ADAMTS18: variants seen among roughly 807,000 people sequenced by gnomAD.
ADAMTS18 encodes A disintegrin and metalloproteinase with thrombospondin motifs 18.
A neutral mutation model predicts 165.9 loss-of-function variants in ADAMTS18; 157 were observed. The ratio of observed to expected loss-of-function variants is 0.95; its 90% confidence interval spans 0.83 to 1.08. The LOEUF (loss-of-function observed/expected upper bound fraction) is 1.08, where lower values mean the gene tolerates loss of function less well. Among genes scored for constraint, ADAMTS18 ranks in the 50% least tolerant of loss-of-function variants. The pLI is 0.00. For missense variants in ADAMTS18, 2,040 were observed against 1,534.0 expected (o/e 1.33, Z -5.51); for synonymous variants, 782 against 578.2 (o/e 1.35, Z -5.06).
chr16:77,384,005 C>T (rs984640154), intron 3 of ADAMTS18, among the ~76,000 whole-genome samples: 5 of 152,090 alleles, frequency 3.3e-5, no homozygotes, highest in African/African-American at 1.2e-4. Context: ...GAGTGCCACA[C>T]GCAGCTGTTT....
intron 3 of ADAMTS18, among the ~76,000 whole-genome samples, chr16:77,419,123 T>TG (rs1436998402): frequency 6.6e-6 from 1 of 151,620 alleles, no homozygotes; most frequent in African/African-American, 2.4e-5. Flanking sequence ...CACTCCAGCC[T>TG]GGATGACAGA....
At chr16:77,413,363 G>A (rs1191765557) in intron 3 of ADAMTS18, among the ~76,000 whole-genome samples, 2 of 152,176 alleles carry the variant, frequency 1.3e-5, no homozygotes, top group African/African-American at 4.8e-5. Context: ...GTAGAGTGCA[G>A]AAAAACCTTA....
rs761764951 is a variant in ADAMTS18 at position 77,364,531 on chromosome 16, G to A, written c.779-150C>T. ...AAGTGATGCTATCAGTGCCTGCCCA[G>A]GTGCCTTGCATCTAGTATGTGGTCA... On this transcript the variant is annotated intron_variant, in intron 4 of 22. Transcript: ENST00000282849. 3.9e-4 allele frequency: 320 copies of A among 830,586 alleles called. 2 individuals carry two copies. Among genetic ancestry groups the A allele is most frequent in the Non-Finnish European group, 5.2e-4 (281 of 536,626 alleles). The allele number at this position is 830,586 out of a possible 1,614,324, so 51.5% of individuals were successfully genotyped here. A position where few individuals can be genotyped will look rare whatever the true frequency, so the allele number is the denominator to read the frequency against.
At chr16:77,434,231 G>T (rs1486537301) in intron 2 of ADAMTS18, among the ~76,000 whole-genome samples, 187 bp downstream of exon 2, 1 of 152,002 alleles carries the variant, frequency 6.6e-6, no homozygotes, top group Admixed American at 6.6e-5. Flanking sequence ...TGCAGCTCGG[G>T]GCGTTGATTC....
intron 12 of ADAMTS18, among the ~76,000 whole-genome samples, chr16:77,331,490 T>C (rs953884405): frequency 9.2e-5 from 14 of 151,950 alleles, no homozygotes; most frequent in African/African-American, 3.4e-4. Context: ...ATCATTGTTT[T>C]AATACTGTTA....
intron 3 of ADAMTS18, among the ~76,000 whole-genome samples, chr16:77,406,672 C>T (rs549230341): frequency 1.4e-4 from 22 of 152,086 alleles, no homozygotes; most frequent in South Asian, 2.1e-4. Context: ...ATGTTCATCA[C>T]GGCACTATAC....
intron 16 of ADAMTS18, among the ~76,000 whole-genome samples, chr16:77,311,884 A>G (rs1326429778): frequency 1.3e-5 from 2 of 152,186 alleles, no homozygotes; most frequent in South Asian, 2.1e-4. Context: ...GTGCATAAAG[A>G]AAGATTTTGG....
At chr16:77,327,489 A>G (rs1263612747) in intron 12 of ADAMTS18, among the ~76,000 whole-genome samples, 1 of 152,212 alleles carries the variant, frequency 6.6e-6, no homozygotes, top group Admixed American at 6.5e-5. Context: ...AAAATATGGA[A>G]CCAGCCCAAA....
At position 77,291,416 on chromosome 16, in the gene ADAMTS18, G is replaced by C; in HGVS notation, c.3252C>G (p.Phe1084Leu). 6.2e-7 allele frequency: 1 copy of C among 1,614,162 alleles called. No individual in the cohort carries two copies. The highest frequency in any genetic ancestry group is 8.5e-7 in the Non-Finnish European group (1 of 1,180,018). ...KREMKCSEKG[F>L]QGKLITFPER... The stretch of plus-strand genomic sequence containing the variant: ...CTGGGAAAGTTATCAGCTTTCCCTG[G>C]AAGCCCTTCTCGCTGCACTTCATCT... The change falls in exon 21 of 23, where the codon TTC (phenylalanine) becomes TTG (leucine). Residue 1084 changes from phenylalanine to leucine, a missense_variant. Phe to Leu is a conservative substitution (Grantham distance 22, BLOSUM62 0). Transcript: ENST00000282849.
chr16:77,322,689 T>G (rs956664236), intron 13 of ADAMTS18, among the ~76,000 whole-genome samples: 2 of 152,228 alleles, frequency 1.3e-5, no homozygotes, highest in Non-Finnish European at 2.9e-5. Flanking sequence ...AACAATTTTA[T>G]TTTTCTCATC....
In ADAMTS18 at chr16:77,431,307, C is replaced by T. The variant is rs151072967; in HGVS notation, c.483G>A (p.Thr161=). Reference sequence around the variant, plus strand: ...GGGGTGTACTTACCAAGCCAGCACACGTAGACACAGCGACAGAGGAGGAGC... The same window carrying T: ...GGGGTGTACTTACCAAGCCAGCACATGTAGACACAGCGACAGAGGAGGAGC... ...NDSSSSVAVS[T]CAGLSGLIRT... Residue 161 remains threonine, a synonymous_variant, in exon 3 of 23, where the codon ACG becomes ACA. Coordinates refer to ENST00000282849, the MANE Select transcript of ADAMTS18 (RefSeq NM_199355.4). 1.5e-4 allele frequency: 245 copies of T among 1,614,086 alleles called. No homozygotes were observed. In the East Asian group the frequency reaches 4.3e-3, roughly 28 times the overall value.
rs2055315922 is a variant in ADAMTS18 at position 77,289,276 on chromosome 16, G to C, written c.3538C>G (p.Pro1180Ala). The change falls in exon 22 of 23, where the codon CCT (proline) becomes GCT (alanine). Residue 1180 changes from proline to alanine, a missense_variant. By Grantham distance (27) the Pro-to-Ala change is conservative. Transcript: ENST00000282849. ...RACNTNFCPA[P>A]EKREDPSCVD... ...GGTGCCTTTTTACCTCTCTTTTCAG[G>C]AGCTGGACAGAAGTTTGTATTACAG... is the stretch of plus-strand genomic sequence containing the variant. The C allele has an allele frequency of 2.5e-6, 4 of 1,614,136 alleles. No individual in the cohort carries two copies. The East Asian group carries it at 8.9e-5, about 36-fold the overall frequency.
Position 77,413,807 on chromosome 16 carries a change from GA to G in ADAMTS18, c.495+17487del, listed in dbSNP as rs34499809. On this transcript the variant is annotated intron_variant, in intron 3 of 22. Transcript: ENST00000282849. ...ACACTTAATAAAGAGGTTTCCATCT[GA>G]AAAAAAAAAAAAGCAAAAGTTAATT... Among the ~76,000 whole-genome samples, 175 of 124,058 alleles carry G rather than the reference GA, an allele frequency of 1.4e-3. 5 individuals carry two copies. Among genetic ancestry groups the G allele is most frequent in the South Asian group, 3.5e-3 (13 of 3,698 alleles). 81.4% of individuals were successfully genotyped at this position (124,058 alleles called of 152,430 possible).
intron 16 of ADAMTS18, among the ~76,000 whole-genome samples, chr16:77,307,088 T>G (rs1378452093): frequency 1.3e-5 from 2 of 152,260 alleles, no homozygotes; most frequent in Non-Finnish European, 2.9e-5. Flanking sequence ...TGGCATCTAA[T>G]TTAAGAATAC....
intron 22 of ADAMTS18, among the ~76,000 whole-genome samples, chr16:77,288,274 A>AATT (rs2055293770): frequency 6.6e-6 from 1 of 152,098 alleles, no homozygotes; most frequent in African/African-American, 2.4e-5. Flanking sequence ...TTTCTTTGGT[A>AATT]ATTAAGGGTG....
At chr16:77,284,447 T>C (rs1381934783) in intron 22 of ADAMTS18, among the ~76,000 whole-genome samples, 1 of 152,068 alleles carries the variant, frequency 6.6e-6, no homozygotes. Flanking sequence ...TTGCATATTA[T>C]GATTTATTAA....
intron 16 of ADAMTS18, among the ~76,000 whole-genome samples, chr16:77,313,296 G>A (rs952055456): frequency 2.0e-5 from 3 of 152,002 alleles, no homozygotes; most frequent in African/African-American, 4.8e-5. Flanking sequence ...GCCTGTCGTC[G>A]GGTGGGGGCA....
intron 12 of ADAMTS18, among the ~76,000 whole-genome samples, chr16:77,327,655 A>G (rs1213516572): frequency 6.6e-6 from 1 of 152,210 alleles, no homozygotes; most frequent in Non-Finnish European, 1.5e-5. Flanking sequence ...CCCTCATCAT[A>G]TTAGCCCCTG....
chr16:77,396,205 G>C (rs1186597249), intron 3 of ADAMTS18, among the ~76,000 whole-genome samples: 1 of 152,134 alleles, frequency 6.6e-6, no homozygotes, highest in East Asian at 1.9e-4. Flanking sequence ...TAGAATCAGA[G>C]AATTTTTAAT....
Sources: allele counts gnomAD v4.1 joint callset (sites outside exome capture counted in the v4.1 genomes callset), GRCh38; gene constraint gnomAD v4.1.1; transcripts MANE v1.5; gene names NCBI Gene and HGNC (gene_info 2026-07-23, HGNC 2026-07-21).